Variants in KANSL1 observed in about 807,000 individuals in gnomAD.
KANSL1 encodes the protein KAT8 regulatory NSL complex subunit 1, also known as MLL1/MLL complex subunit KANSL1.
Under a neutral mutation model 103.6 loss-of-function variants are expected in KANSL1, and 22 were observed. That is an observed-to-expected ratio of 0.21 (90% CI 0.15 to 0.30). KANSL1 has a LOEUF of 0.30. KANSL1 is among the 10% of genes least tolerant of loss of function. KANSL1 has a pLI of 1.00. For synonymous variants in KANSL1, 600 were observed against 527.6 expected (o/e 1.14, Z -1.88); for missense variants, 1,337 against 1,399.8 (o/e 0.96, Z 0.72).
chr17:46,110,131 C>CA (rs2042739085), intron 2 of KANSL1, among the ~76,000 whole-genome samples: 1 of 151,958 alleles, frequency 6.6e-6, no homozygotes, highest in Non-Finnish European at 1.5e-5. Flanking sequence ...TACTCATCTT[C>CA]AAAAAAACCT....
intron 1 of KANSL1, among the ~76,000 whole-genome samples, chr17:46,203,105 G>A (rs996896221): frequency 3.3e-5 from 5 of 152,160 alleles, no homozygotes; most frequent in Non-Finnish European, 7.3e-5. Flanking sequence ...GGTGGCATGC[G>A]CCTGTAGTCC....
At chr17:46,108,394 T>A (rs2042659848) in intron 2 of KANSL1, among the ~76,000 whole-genome samples, 1 of 152,240 alleles carries the variant, frequency 6.6e-6, no homozygotes, top group South Asian at 2.1e-4. Flanking sequence ...CATGACACTT[T>A]ATTAAGGCTT....
intron 2 of KANSL1, among the ~76,000 whole-genome samples, chr17:46,096,312 T>TTTCTTTCTTTC (rs2042074318): frequency 1.6e-5 from 1 of 60,622 alleles, no homozygotes; most frequent in Non-Finnish European, 3.1e-5. Context: ...CTTTTTTTTC[T>TTTCTTTCTTTC]TTTTTTTTTT....
intron 1 of KANSL1, among the ~76,000 whole-genome samples, chr17:46,177,944 G>A (rs1183278838): frequency 6.6e-6 from 1 of 151,990 alleles, no homozygotes. Flanking sequence ...CGCCCAGCTA[G>A]TTTTTTGTAT....
At chr17:46,075,487 C>T (rs959919026) in intron 4 of KANSL1, among the ~76,000 whole-genome samples, 3 of 152,120 alleles carry the variant, frequency 2.0e-5, no homozygotes. Flanking sequence ...CAGGCGCACA[C>T]CACCACACCT....
Position 46,032,499 on chromosome 17 carries a change from C to T in KANSL1, c.2838-200G>A, listed in dbSNP as rs548092271. ...AACATTTACCATCCCAAGAAAAAAGCATGGCTGAACAATGCCAGGTGAGTC... is the reference window on the plus strand; with the variant it reads ...AACATTTACCATCCCAAGAAAAAAGTATGGCTGAACAATGCCAGGTGAGTC... On this transcript the variant is annotated intron_variant, in intron 13 of 14. Coordinates refer to ENST00000432791, the MANE Select transcript of KANSL1 (RefSeq NM_015443.4). 4.7e-4 allele frequency: 222 copies of T among 477,116 alleles called. 1 individual carries two copies. The highest frequency in any genetic ancestry group is 4.2e-3 in the African/African-American group (214 of 50,642). 29.6% of individuals were successfully genotyped at this position (477,116 alleles called of 1,614,324 possible).
intron 1 of KANSL1, among the ~76,000 whole-genome samples, chr17:46,208,340 A>T (rs1238464776): frequency 1.3e-5 from 2 of 152,168 alleles, no homozygotes; most frequent in Non-Finnish European, 2.9e-5. Flanking sequence ...GGCTGGGCAC[A>T]GTGGCACATG....
intron 1 of KANSL1, among the ~76,000 whole-genome samples, chr17:46,186,383 CA>C (rs371176514): frequency 0.013 from 1,487 of 111,178 alleles, 14 homozygotes; most frequent in Non-Finnish European, 0.011. Context: ...GACTGTGTCT[CA>C]AAAAAAAAAA....
intron 2 of KANSL1, among the ~76,000 whole-genome samples, chr17:46,111,866 A>C (rs567461687): frequency 4.6e-4 from 70 of 152,344 alleles, no homozygotes; most frequent in Admixed American, 7.2e-4. Flanking sequence ...AGAACAGAAG[A>C]AAAGCAGAAA....
intron 2 of KANSL1, among the ~76,000 whole-genome samples, chr17:46,164,636 A>G (rs1227624497): frequency 6.6e-6 from 1 of 152,280 alleles, no homozygotes; most frequent in African/African-American, 2.4e-5. Context: ...CCAAAGCTTT[A>G]AGTCACAAGT....
chr17:46,111,500 G>A (rs902376022), intron 2 of KANSL1, among the ~76,000 whole-genome samples: 5 of 152,060 alleles, frequency 3.3e-5, no homozygotes, highest in Admixed American at 2.0e-4. Context: ...ATGATCCACC[G>A]TGCCCAACCG....
chr17:46,141,765 G>A (rs966539056), intron 2 of KANSL1, among the ~76,000 whole-genome samples: 30 of 152,206 alleles, frequency 2.0e-4, no homozygotes, highest in Admixed American at 1.4e-3. Context: ...CCCAAAGAAA[G>A]TAATACAAAA....
chr17:46,073,870 G>C (rs1473908300), intron 4 of KANSL1, among the ~76,000 whole-genome samples: 1 of 152,138 alleles, frequency 6.6e-6, no homozygotes, highest in Non-Finnish European at 1.5e-5. Flanking sequence ...TGACAACTGT[G>C]AGACTATACG....
At chr17:46,153,226 A>C (rs2045222398) in intron 2 of KANSL1, among the ~76,000 whole-genome samples, 1 of 152,210 alleles carries the variant, frequency 6.6e-6, no homozygotes, top group African/African-American at 2.4e-5. Flanking sequence ...AACGCATTTT[A>C]GTTGTGGGGA....
At chr17:46,144,277 C>G (rs990762984) in intron 2 of KANSL1, among the ~76,000 whole-genome samples, 4 of 152,130 alleles carry the variant, frequency 2.6e-5, no homozygotes, top group African/African-American at 9.7e-5. Context: ...TAGGGATAAT[C>G]AAAAAATGTT....
intron 1 of KANSL1, among the ~76,000 whole-genome samples, chr17:46,177,568 G>GA (rs905307484): frequency 6.6e-6 from 1 of 152,082 alleles, no homozygotes; most frequent in South Asian, 2.1e-4. Flanking sequence ...ATTATTAAAT[G>GA]AAAAAAAGTT....
chr17:46,210,626 T>A (rs2048138116), intron 1 of KANSL1, among the ~76,000 whole-genome samples: 1 of 152,060 alleles, frequency 6.6e-6, no homozygotes, highest in Non-Finnish European at 1.5e-5. Flanking sequence ...GATTGAAAAT[T>A]TTTTTAGAAA....
intron 2 of KANSL1, among the ~76,000 whole-genome samples, chr17:46,140,324 A>G (rs189059080): frequency 1.3e-5 from 2 of 152,340 alleles, no homozygotes; most frequent in East Asian, 3.9e-4. Context: ...TAAATATGGT[A>G]CAAGGACAAC....
At chr17:46,193,434 C>G (rs1052269962), upstream of KANSL1, 1 of 152,702 alleles carries the variant, frequency 6.5e-6, no homozygotes. Flanking sequence ...GAGAATGGAG[C>G]GAGCGAGCAA....
Sources: allele counts gnomAD v4.1 joint callset (sites outside exome capture counted in the v4.1 genomes callset), GRCh38; gene constraint gnomAD v4.1.1; transcripts MANE v1.5; gene names NCBI Gene and HGNC (gene_info 2026-07-23, HGNC 2026-07-21).